Variants in NLRP14 observed in about 807,000 individuals in gnomAD.
NLRP14 encodes NLR family pyrin domain containing 14.
A neutral mutation model predicts 94.7 loss-of-function variants in NLRP14; 105 were observed. The ratio of observed to expected loss-of-function variants is 1.11; its 90% CI spans 0.95 to 1.30. The LOEUF (loss-of-function observed/expected upper bound fraction) is 1.30, where lower values mean the gene tolerates loss of function less well. Among genes scored for constraint, NLRP14 ranks in the 50% most tolerant of loss-of-function variants. The probability of loss-of-function intolerance (pLI) is 0.00; values close to 1 mark genes in which losing one functional copy is unlikely to be tolerated. For synonymous variants in NLRP14, 508 were observed against 459.9 expected (o/e 1.10, Z -1.34); for missense variants, 1,362 against 1,254.1 (o/e 1.09, Z -1.30).
intron 9 of NLRP14, among the ~76,000 whole-genome samples, chr11:7,061,037 C>A (rs1189130888): frequency 2.0e-5 from 3 of 151,992 alleles, no homozygotes; most frequent in African/African-American, 7.2e-5. Context: ...TGACCAGCAA[C>A]TTTTGTGAGT....
intron 1 of NLRP14, among the ~76,000 whole-genome samples, chr11:7,023,248 G>A (rs951365089): frequency 1.3e-5 from 2 of 148,220 alleles, no homozygotes; most frequent in Non-Finnish European, 3.0e-5. Flanking sequence ...TTTTAAATAT[G>A]TTTAAATTTT....
At chr11:7,057,949 G>A in intron 7 of NLRP14, 102 bp downstream of exon 7, 1 of 938,408 alleles carries the variant, frequency 1.1e-6, no homozygotes, top group South Asian at 1.3e-5. Flanking sequence ...GCACTAACTG[G>A]CTCGTTTGTC....
Position 7,046,674 on chromosome 11 carries a change from T to C in NLRP14, c.1965T>C (p.Gly655=). ...KTSLPTNTWD[G]DRITHCWQDL... Reference sequence around the variant, plus strand: ...CTCAATTATTTATGCAAAGGGATGGTGATCGCATTACTCACTGTTGGCAAG... The same window carrying C: ...CTCAATTATTTATGCAAAGGGATGGCGATCGCATTACTCACTGTTGGCAAG... The change falls in exon 5 of 12, where the codon GGT becomes GGC. Residue 655 remains glycine, a synonymous_variant. Transcript: ENST00000299481. 6.2e-7 allele frequency: 1 copy of C among 1,613,410 alleles called. No homozygotes were observed. Among genetic ancestry groups the C allele is most frequent in the Non-Finnish European group, 8.5e-7 (1 of 1,179,300 alleles).
the NLRP14 span, chr11:7,089,003 C>T: frequency 8.3e-5 from 103 of 1,233,988 alleles, 1 homozygote; most frequent in African/African-American, 1.1e-3. Flanking sequence ...TCCGTGGACT[C>T]GGCGACTAGG....
chr11:7,059,490 G>A (rs1242585139), intron 8 of NLRP14, among the ~76,000 whole-genome samples: 1 of 151,816 alleles, frequency 6.6e-6, no homozygotes, highest in Non-Finnish European at 1.5e-5. Context: ...TTGTACAAAA[G>A]CAATAATGGC....
In NLRP14 at chr11:7,043,017, T is replaced by A. The variant is rs763996776; in HGVS notation, c.991T>A (p.Ser331Thr). Residue 331 changes from serine (S) to threonine (T), a missense_variant, in exon 4 of 12, where the codon TCT becomes ACT. Transcript: ENST00000299481. ...CCATTATGTAGAGCTACTAGGAATG[T>A]CTGAGGATGCAAGAGAGGAGTATAT... The part of the protein sequence containing the change: ...NHHYVELLGM[S>T]EDAREEYIYQ... The A allele has an allele frequency of 4.3e-6, 7 of 1,614,052 alleles. No homozygotes were observed. The African/African-American group carries it at 9.3e-5, about 22-fold the overall frequency.
the NLRP14 span, chr11:7,089,015 G>A: frequency 3.8e-5 from 51 of 1,356,134 alleles, no homozygotes; most frequent in Admixed American, 8.6e-4. Context: ...GCGACTAGGC[G>A]CCGCCTGACC....
rs116335333 is a variant in NLRP14, at chr11:7,043,084, T to C, written c.1058T>C (p.Phe353Ser). 455 of 1,614,120 alleles carry C rather than the reference T, an allele frequency of 2.8e-4. 5 individuals are homozygous for C. In the African/African-American group the frequency reaches 5.7e-3, roughly 20 times the overall value. The change falls in exon 4 of 12, where the codon TTC becomes TCC. Residue 353 changes from phenylalanine to serine, a missense_variant. By Grantham distance (155) the Phe-to-Ser change is radical. Transcript: ENST00000299481. Reference protein sequence around the residue: ...FEDKRWAMKVFSSLKSNEMLF... With the variant: ...FEDKRWAMKVSSSLKSNEMLF... The stretch of plus-strand genomic sequence containing the variant: ...GATAAGAGGTGGGCCATGAAAGTAT[T>C]CAGTTCACTAAAAAGCAATGAGATG...
At chr11:7,038,208 C>G (rs1218428335) in intron 1 of NLRP14, among the ~76,000 whole-genome samples, 1 of 152,132 alleles carries the variant, frequency 6.6e-6, no homozygotes, top group East Asian at 1.9e-4. Context: ...TATATGAACC[C>G]TATCTTATTT....
rs1852579544 is a variant in NLRP14 at position 7,059,538 on chromosome 11, T to G, written c.2634-356T>G. On this transcript the variant is annotated intron_variant, in intron 8 of 11. Coordinates refer to ENST00000299481, the MANE Select transcript of NLRP14 (RefSeq NM_176822.4). ...TTCCTTACTGTTTGAAAATGCCGCT[T>G]CTATTACATACAAAGAGTACTTACT... Among the ~76,000 whole-genome samples the G allele has an allele frequency of 2.0e-5, 3 of 151,988 alleles. No homozygotes were observed. The South Asian group carries it at 6.2e-4, about 31-fold the overall frequency.
chr11:7,062,564 G>T (rs866757906), intron 10 of NLRP14, 61 bp downstream of exon 10: 1 of 1,408,648 alleles, frequency 7.1e-7, no homozygotes, highest in African/African-American at 1.4e-5. Flanking sequence ...ATAGCTAGAA[G>T]ATATTTAGTG....
Position 7,038,558 on chromosome 11 carries a change from C to A in NLRP14, c.-21-8C>A, listed in dbSNP as rs191143214. ...ATGTGCTTTTGGTTATTTTTTTTCC[C>A]CCCACAGAGGCCTGAATATTTGGAC... On this transcript the variant is annotated splice_region_variant and splice_polypyrimidine_tract_variant and intron_variant, in intron 1 of 11. Coordinates refer to ENST00000299481, the MANE Select transcript of NLRP14 (RefSeq NM_176822.4). 7 of 1,609,244 alleles carry A rather than the reference C, an allele frequency of 4.3e-6. No homozygotes were observed. The highest frequency in any genetic ancestry group is 1.1e-5 in the South Asian group (1 of 90,700).
intron 1 of NLRP14, among the ~76,000 whole-genome samples, chr11:7,031,579 C>G (rs568772116): frequency 8.9e-4 from 136 of 152,204 alleles, no homozygotes; most frequent in African/African-American, 3.1e-3. Context: ...GTGCAGTGCC[C>G]GCTTCTTGAA....
intron 6 of NLRP14, among the ~76,000 whole-genome samples, chr11:7,054,719 G>A (rs1907614): frequency 0.048 from 7,249 of 152,066 alleles, 332 homozygotes; most frequent in African/African-American, 0.12. Flanking sequence ...TGTCAAATGG[G>A]TAGTTAGCAC....
chr11:7,087,349 G>A, the NLRP14 span, among the ~76,000 whole-genome samples: 1 of 152,194 alleles, frequency 6.6e-6, no homozygotes, highest in Non-Finnish European at 1.5e-5. Context: ...TTACCTGTAA[G>A]CCATCATGGA....
chr11:7,024,246 A>T (rs1589854395), intron 1 of NLRP14, among the ~76,000 whole-genome samples: 1 of 152,192 alleles, frequency 6.6e-6, no homozygotes, highest in East Asian at 1.9e-4. Context: ...CATGGTTTTG[A>T]TCCTTGGCCA....
chr11:7,043,542 C>T lies in NLRP14; in HGVS notation c.1516C>T (p.Gln506Ter), dbSNP rs1157464394. The change falls in exon 4 of 12, where the codon CAG (glutamine) becomes TAG (stop). Residue 506 changes from glutamine to a stop codon, truncating the protein, a stop_gained. Transcript: ENST00000299481. LOFTEE classifies it high-confidence loss of function. The stretch of plus-strand genomic sequence containing the variant: ...TTGGGAAGCTGGGAACCCTTCCTGC[C>T]AGCCTTTTGAAGATTTGAAGTCATT... The part of the protein sequence containing the change: ...GSWEAGNPSC[Q>*]PFEDLKSLLQ... 3 of 1,614,156 alleles carry T rather than the reference C, an allele frequency of 1.9e-6. No individual in the cohort carries two copies. Among genetic ancestry groups the T allele is most frequent in the Non-Finnish European group, 2.5e-6 (3 of 1,180,016 alleles).
chr11:7,084,231 G>A, the NLRP14 span, among the ~76,000 whole-genome samples: 2 of 152,170 alleles, frequency 1.3e-5, no homozygotes, highest in African/African-American at 4.8e-5. Flanking sequence ...CAGTCCTGGG[G>A]AAAAGAGTCT....
rs757459869 is a variant in NLRP14 at position 7,062,360 on chromosome 11, A to G, written c.2832A>G (p.Ala944=). The change falls in exon 10 of 12, where the codon GCA becomes GCG. Residue 944 remains alanine, a synonymous_variant. Coordinates refer to ENST00000299481, the MANE Select transcript of NLRP14 (RefSeq NM_176822.4). The part of the protein sequence containing the change: ...LELMGCVLTN[A]CCLDLASVIL... Reference sequence around the variant, plus strand: ...TGATGGGCTGTGTTCTCACTAATGCATGTTGTCTGGATCTGGCTTCTGTTA... The same window carrying G: ...TGATGGGCTGTGTTCTCACTAATGCGTGTTGTCTGGATCTGGCTTCTGTTA... 111 of 1,612,908 alleles carry G rather than the reference A, an allele frequency of 6.9e-5. No homozygotes were observed. Among genetic ancestry groups the G allele is most frequent in the Non-Finnish European group, 8.9e-5 (105 of 1,179,232 alleles).
Sources: gnomAD v4.1 joint callset for allele counts (sites outside exome capture counted in the v4.1 genomes callset) on GRCh38, gnomAD v4.1.1 for gene constraint, MANE v1.5 for transcripts, NCBI Gene and HGNC (gene_info 2026-07-23, HGNC 2026-07-21) for gene names.